Variants in TENM3 observed in about 807,000 individuals in gnomAD.
TENM3 encodes the protein teneurin-3.
In TENM3, 63 loss-of-function variants were observed where a neutral mutation model predicts 255.1. The ratio of observed to expected loss-of-function variants is 0.25; its 90% CI spans 0.20 to 0.30. The LOEUF (loss-of-function observed/expected upper bound fraction) is 0.30. TENM3 is among the 10% of genes least tolerant of loss of function. The probability of loss-of-function intolerance (pLI) is 1.00; values close to 1 mark genes in which losing one functional copy is unlikely to be tolerated. For missense variants in TENM3, 2,929 were observed against 3,461.1 expected (o/e 0.85, Z 3.86); for synonymous variants, 1,306 against 1,322.3 (o/e 0.99, Z 0.27).
chr4:182,291,084 G>C (rs896878401), intron 1 of TENM3, among the ~76,000 whole-genome samples: 1 of 152,154 alleles, frequency 6.6e-6, no homozygotes, highest in African/African-American at 2.4e-5. Context: ...GCCTCCTAAA[G>C]TGCTGGGATT....
chr4:182,194,016 A>AG (rs1462713263), intron 1 of TENM3, among the ~76,000 whole-genome samples: 1 of 152,236 alleles, frequency 6.6e-6, no homozygotes, highest in Non-Finnish European at 1.5e-5. Flanking sequence ...AGCTTTCACC[A>AG]GAATTAACAT....
At chr4:181,489,507 T>C in the TENM3 span, among the ~76,000 whole-genome samples, 2 of 152,228 alleles carry the variant, frequency 1.3e-5, no homozygotes, top group African/African-American at 2.4e-5. Context: ...ATATTCCTAG[T>C]TCAGGAACAT....
chr4:182,289,193 G>A (rs984738634), intron 1 of TENM3, among the ~76,000 whole-genome samples: 13 of 152,220 alleles, frequency 8.5e-5, no homozygotes, highest in Admixed American at 3.9e-4. Context: ...TTGCGCCACC[G>A]CACTCCAGCC....
Position 182,751,872 on chromosome 4 carries a change from C to T in TENM3, c.3702C>T (p.Asn1234=). Residue 1234 remains asparagine (N), a synonymous_variant, in exon 20 of 28, where the codon AAC becomes AAT. Coordinates refer to ENST00000511685, the MANE Select transcript of TENM3 (RefSeq NM_001080477.4). ...VTGDLYVSDT[N]TRRIYRPKSL... ...GAGATCTGTACGTTTCTGACACAAACACCCGCAGAATTTATCGCCCAAAGT... is the reference window on the plus strand; with the variant it reads ...GAGATCTGTACGTTTCTGACACAAATACCCGCAGAATTTATCGCCCAAAGT... 1 of 1,613,900 alleles carries T rather than the reference C, an allele frequency of 6.2e-7. No homozygotes were observed. Among genetic ancestry groups the T allele is most frequent in the Non-Finnish European group, 8.5e-7 (1 of 1,179,880 alleles).
At chr4:181,488,142 A>T in the TENM3 span, among the ~76,000 whole-genome samples, 3 of 152,142 alleles carry the variant, frequency 2.0e-5, no homozygotes, top group Admixed American at 6.5e-5. Flanking sequence ...CCTCTACTTA[A>T]CTTCTCTGAG....
chr4:182,191,212 G>A (rs1268393680), intron 1 of TENM3, among the ~76,000 whole-genome samples: 1 of 152,156 alleles, frequency 6.6e-6, no homozygotes, highest in African/African-American at 2.4e-5. Flanking sequence ...TTTACGTAAA[G>A]ATTGAGTCCA....
intron 3 of TENM3, among the ~76,000 whole-genome samples, chr4:182,450,771 T>C (rs964886640): frequency 6.6e-6 from 1 of 152,230 alleles, no homozygotes; most frequent in Admixed American, 6.5e-5. Flanking sequence ...TGATCTCTTA[T>C]TAGCTGTGAA....
the TENM3 span, among the ~76,000 whole-genome samples, chr4:181,904,715 G>C: frequency 6.6e-6 from 1 of 152,092 alleles, no homozygotes; most frequent in African/African-American, 2.4e-5. Context: ...ACTGCATCCA[G>C]GTCCCTGCTG....
the TENM3 span, among the ~76,000 whole-genome samples, chr4:181,797,820 C>T: frequency 6.6e-6 from 1 of 152,162 alleles, no homozygotes; most frequent in Admixed American, 6.6e-5. Context: ...CTTAACGTCG[C>T]CTTGACAATA....
the TENM3 span, among the ~76,000 whole-genome samples, chr4:182,031,130 T>C: frequency 6.6e-6 from 1 of 152,244 alleles, no homozygotes; most frequent in Non-Finnish European, 1.5e-5. Context: ...TCTTTGCCTA[T>C]GCCTATGTCC....
At chr4:182,706,373 T>C (rs1286750051) in intron 12 of TENM3, among the ~76,000 whole-genome samples, 1 of 152,186 alleles carries the variant, frequency 6.6e-6, no homozygotes, top group Non-Finnish European at 1.5e-5. Context: ...AACCGGTTAA[T>C]TCACATTAAA....
the TENM3 span, among the ~76,000 whole-genome samples, chr4:182,077,223 C>T: frequency 6.6e-6 from 1 of 152,114 alleles, no homozygotes; most frequent in Middle Eastern, 3.2e-3. Flanking sequence ...AGTTCATTGT[C>T]TTGTACTGCC....
intron 3 of TENM3, among the ~76,000 whole-genome samples, chr4:182,439,942 C>T (rs967822803): frequency 1.3e-5 from 2 of 152,100 alleles, no homozygotes; most frequent in African/African-American, 4.8e-5. Flanking sequence ...TCTCTGGCCC[C>T]TCTATGTAAG....
At chr4:181,458,487 T>C in the TENM3 span, among the ~76,000 whole-genome samples, 5 of 151,914 alleles carry the variant, frequency 3.3e-5, no homozygotes, top group African/African-American at 9.7e-5. Context: ...AATAAATGCT[T>C]TTTGAAAAAA....
chr4:181,459,019 G>T, the TENM3 span, among the ~76,000 whole-genome samples: 1 of 151,764 alleles, frequency 6.6e-6, no homozygotes, highest in African/African-American at 2.4e-5. Context: ...TTTGAATGAG[G>T]AATATATGAG....
At chr4:181,995,040 G>A in the TENM3 span, among the ~76,000 whole-genome samples, 1,993 of 152,236 alleles carry the variant, frequency 0.013, 40 homozygotes, top group African/African-American at 0.045. Flanking sequence ...TGTAATCCCA[G>A]CACTTTGAGA....
chr4:181,680,852 A>T, the TENM3 span, among the ~76,000 whole-genome samples: 1 of 152,104 alleles, frequency 6.6e-6, no homozygotes, highest in South Asian at 2.1e-4. Context: ...CCAAAAGGGA[A>T]TTTCCATCTC....
chr4:182,159,444 ATGAGTGT>A (rs1750942490), intron 1 of TENM3, among the ~76,000 whole-genome samples: 1 of 96,116 alleles, frequency 1.0e-5, no homozygotes, highest in South Asian at 4.2e-4. Flanking sequence ...GATAGTGTGT[ATGAGTGT>A]GTGTGTGTGT....
At chr4:182,698,383 T>A (rs1330653974) in intron 12 of TENM3, among the ~76,000 whole-genome samples, 3 of 152,176 alleles carry the variant, frequency 2.0e-5, no homozygotes, top group Non-Finnish European at 4.4e-5. Context: ...TGTCCCTCCT[T>A]CCTTATCTCC....
Sources: gnomAD v4.1 joint callset for allele counts (sites outside exome capture counted in the v4.1 genomes callset) on GRCh38, gnomAD v4.1.1 for gene constraint, MANE v1.5 for transcripts, NCBI Gene and HGNC (gene_info 2026-07-23, HGNC 2026-07-21) for gene names.